Variants in TADA3 observed in about 807,000 individuals in gnomAD.
TADA3 encodes the protein transcriptional adapter 3.
In TADA3, 25 loss-of-function variants were observed where a neutral mutation model predicts 43.2. The ratio of observed to expected loss-of-function variants is 0.58; its 90% CI spans 0.42 to 0.81. The LOEUF (loss-of-function observed/expected upper bound fraction) is 0.81, where lower values mean the gene tolerates loss of function less well. Ranked by LOEUF, TADA3 falls within the 30% of genes least tolerant of loss-of-function variation. The pLI, the probability that TADA3 is intolerant of heterozygous loss-of-function variation, is 0.00. For synonymous variants in TADA3, 235 were observed against 225.5 expected (o/e 1.04, Z -0.38); for missense variants, 441 against 567.8 (o/e 0.78, Z 2.27).
At chr3:9,784,666 ACCAG>A (rs2078562903) in intron 7 of TADA3, among the ~76,000 whole-genome samples, 2 of 152,006 alleles carry the variant, frequency 1.3e-5, no homozygotes, top group Admixed American at 1.3e-4. Flanking sequence ...GGAGTTCAAG[ACCAG>A]CCCGGCCAAG....
In TADA3 at chr3:9,791,136, G is replaced by C. The variant is rs922127289; in HGVS notation, c.207+124C>G. The C allele has an allele frequency of 7.7e-6, 7 of 906,186 alleles. No homozygotes were observed. The African/African-American group carries it at 8.3e-5, about 11-fold the overall frequency. 56.1% of individuals were successfully genotyped at this position (906,186 alleles called of 1,614,324 possible). On this transcript the variant is annotated intron_variant, in intron 2 of 8. Coordinates refer to ENST00000301964, the MANE Select transcript of TADA3 (RefSeq NM_006354.5). ...TTTGTGTCATGCAAACCCAGTTTGCGTCTCTCTCCCTCTCCCCACAAACCC... is the reference window on the plus strand; with the variant it reads ...TTTGTGTCATGCAAACCCAGTTTGCCTCTCTCTCCCTCTCCCCACAAACCC...
chr3:9,780,114 T>G lies in TADA3; in HGVS notation c.*243A>C. 1 of 404,092 alleles carries G rather than the reference T, an allele frequency of 2.5e-6. No homozygotes were observed. Among genetic ancestry groups the G allele is most frequent in the Non-Finnish European group, 4.4e-6 (1 of 226,990 alleles). 25.0% of individuals were successfully genotyped at this position (404,092 alleles called of 1,614,324 possible). A position where few individuals can be genotyped will look rare whatever the true frequency, so the allele number is the denominator to read the frequency against. On this transcript the variant is annotated 3_prime_UTR_variant, in exon 9 of 9. Coordinates refer to ENST00000301964, the MANE Select transcript of TADA3 (RefSeq NM_006354.5). ...GGAAGAGGAAGACCCAGAAACGAAG[T>G]CCCCTCCAACCCCATCTCGGGGACC... is the stretch of plus-strand genomic sequence containing the variant.
chr3:9,792,628 A>G (rs952414012), upstream of TADA3: 71 of 1,230,770 alleles, frequency 5.8e-5, 1 homozygote, highest in Middle Eastern at 1.2e-3. Flanking sequence ...CCCGGGGCAC[A>G]GCCCGGGGCG....
chr3:9,790,080 C>T, intron 2 of TADA3, 117 bp from the exon 3 acceptor site: 1 of 1,264,650 alleles, frequency 7.9e-7, no homozygotes, highest in Non-Finnish European at 1.1e-6. Flanking sequence ...TTTCCCCATC[C>T]TCTTTTTACC....
chr3:9,792,619 C>T (rs1270037853), upstream of TADA3: 2 of 1,230,396 alleles, frequency 1.6e-6, no homozygotes, highest in East Asian at 3.2e-5. Flanking sequence ...CAGGCGAGCC[C>T]CGGGGCACAG....
At chr3:9,792,939 G>A (rs1424192508), upstream of TADA3, 18 of 1,413,632 alleles carry the variant, frequency 1.3e-5, no homozygotes, top group Non-Finnish European at 1.7e-5. Context: ...TACCGAGACA[G>A]CCCTAGGTGG....
At chr3:9,790,754 T>C (rs2078709754) in intron 2 of TADA3, among the ~76,000 whole-genome samples, 1 of 152,216 alleles carries the variant, frequency 6.6e-6, no homozygotes, top group South Asian at 2.1e-4. Context: ...GGTCCTATTA[T>C]TCACCCCACT....
chr3:9,780,668 C>T (rs1159252766), intron 8 of TADA3, 119 bp from the exon 9 acceptor site: 9 of 1,027,766 alleles, frequency 8.8e-6, no homozygotes, highest in East Asian at 2.6e-5. Context: ...TTGTGTCATA[C>T]AGTCGTGACC....
Position 9,787,290 on chromosome 3 carries a change from C to G in TADA3, c.615G>C (p.Leu205=), listed in dbSNP as rs200672644. ...HYSQRWAQED[L]LEEQKDGARA... is the part of the protein sequence containing the mutation. Reference sequence around the variant, plus strand: ...GGGCCCCATCCTTCTGCTCCTCCAGCAGGTCCTCCTGGGCCCAGCGCTGGG... The same window carrying G: ...GGGCCCCATCCTTCTGCTCCTCCAGGAGGTCCTCCTGGGCCCAGCGCTGGG... The change falls in exon 5 of 9, where the codon CTG becomes CTC. Residue 205 remains leucine, a synonymous_variant. Coordinates refer to ENST00000301964, the MANE Select transcript of TADA3 (RefSeq NM_006354.5). The G allele has an allele frequency of 9.9e-5, 160 of 1,614,036 alleles. No individual in the cohort carries two copies. The Middle Eastern group carries it at 2.1e-3, about 22-fold the overall frequency.
At position 9,784,217 on chromosome 3, in the gene TADA3, C is replaced by T. The variant is rs892431240; in HGVS notation, c.921-4G>A. 10 of 1,600,594 alleles carry T rather than the reference C, an allele frequency of 6.2e-6. No homozygotes were observed. In the African/African-American group the frequency reaches 1.1e-4, roughly 17 times the overall value. ...CAGGGACTTAGTATGCGGCACACTG[C>T]AGCGGGAGGCAGGCCCGTCAGACTC... On this transcript the variant is annotated splice_polypyrimidine_tract_variant and splice_region_variant and intron_variant, in intron 7 of 8. Transcript: ENST00000301964.
Position 9,791,303 on chromosome 3 carries a change from G to T in TADA3, c.164C>A (p.Ser55Tyr), listed in dbSNP as rs949299772. 6.2e-7 allele frequency: 1 copy of T among 1,613,732 alleles called. No homozygotes were observed. Among genetic ancestry groups the T allele is most frequent in the African/African-American group, 1.3e-5 (1 of 74,946 alleles). Residue 55 changes from serine to tyrosine, a missense_variant, in exon 2 of 9, where the codon TCT becomes TAT. Transcript: ENST00000301964. Reference sequence around the variant, plus strand: ...CACACGCAGGCGCCGGCTGGCAGAAGACAGCAGGGTCTCCAGCTCCAGCTG... The same window carrying T: ...CACACGCAGGCGCCGGCTGGCAGAATACAGCAGGGTCTCCAGCTCCAGCTG... ...TLQLELETLL[S>Y]SASRRLRVLE...
intron 4 of TADA3, chr3:9,787,664 G>A: frequency 2.2e-6 from 3 of 1,376,472 alleles, no homozygotes; most frequent in Non-Finnish European, 2.9e-6. Context: ...TCAGGTCACG[G>A]GTGACAGGGA....
chr3:9,784,701 C>T (rs533382759), intron 7 of TADA3, among the ~76,000 whole-genome samples: 5 of 151,896 alleles, frequency 3.3e-5, no homozygotes, highest in African/African-American at 4.8e-5. Context: ...CCCGTCTCTA[C>T]TAAAAATACA....
chr3:9,789,036 A>G (rs959981490), intron 4 of TADA3, among the ~76,000 whole-genome samples: 14 of 151,892 alleles, frequency 9.2e-5, no homozygotes, highest in African/African-American at 3.4e-4. Context: ...GGGTTTCACC[A>G]TGTTGCCCAG....
In TADA3 at chr3:9,784,820, C is replaced by T. The variant is rs1020734728; in HGVS notation, c.920+496G>A. ...CGGAGGTTGCAGTGAGCCAAGATTG[C>T]GCCATTGCGCTCCAACCTAAACGAC... On this transcript the variant is annotated intron_variant, in intron 7 of 8. Transcript: ENST00000301964. 6.0e-5 allele frequency among the ~76,000 whole-genome samples: 9 copies of T among 150,840 alleles called. 1 individual carries two copies. Among genetic ancestry groups the T allele is most frequent in the Non-Finnish European group, 1.2e-4 (8 of 67,854 alleles).
In TADA3 at chr3:9,792,336, C is replaced by T. The variant is rs2078757462; in HGVS notation, c.-148G>A. 1 of 277,030 alleles carries T rather than the reference C, an allele frequency of 3.6e-6. No homozygotes were observed. Among genetic ancestry groups the T allele is most frequent in the Non-Finnish European group, 5.6e-6 (1 of 179,202 alleles). 17.2% of individuals were successfully genotyped at this position (277,030 alleles called of 1,614,324 possible). A position where few individuals can be genotyped will look rare whatever the true frequency, so the allele number is the denominator to read the frequency against. ...CCCGGGGGTCGCCCAAATGTCCCGC[C>T]TTCAGAGTCCTCGTTCTCTAGGGAC... is the stretch of plus-strand genomic sequence containing the variant. On this transcript the variant is annotated 5_prime_UTR_variant, in exon 1 of 9. Coordinates refer to ENST00000301964, the MANE Select transcript of TADA3 (RefSeq NM_006354.5).
At chr3:9,786,833 C>A (rs1225825250) in intron 6 of TADA3, among the ~76,000 whole-genome samples, 173 bp downstream of exon 6, 1 of 152,150 alleles carries the variant, frequency 6.6e-6, no homozygotes, top group African/African-American at 2.4e-5. Context: ...ATTAGGTGCA[C>A]AAGTTATATA....
In TADA3 at chr3:9,782,937, C is replaced by T. The variant is rs114020149; in HGVS notation, c.1106+1091G>A. On this transcript the variant is annotated intron_variant, in intron 8 of 8. Coordinates refer to ENST00000301964, the MANE Select transcript of TADA3 (RefSeq NM_006354.5). ...CTTTACCTAAAGGGTAGCTATTCCA[C>T]AGTCTTCCTCAAGATGTCACCTATA... 2.8e-3 allele frequency among the ~76,000 whole-genome samples: 420 copies of T among 152,334 alleles called. 3 individuals are homozygous for T. Among genetic ancestry groups the T allele is most frequent in the African/African-American group, 9.5e-3 (394 of 41,576 alleles).
chr3:9,786,921 T>C, intron 6 of TADA3, 85 bp downstream of exon 6: 1 of 1,286,224 alleles, frequency 7.8e-7, no homozygotes, highest in Non-Finnish European at 1.1e-6. Flanking sequence ...ACCTAATAAA[T>C]GTATGATAAA....
Sources: allele counts gnomAD v4.1 joint callset (sites outside exome capture counted in the v4.1 genomes callset), GRCh38; gene constraint gnomAD v4.1.1; transcripts MANE v1.5; gene names NCBI Gene and HGNC (gene_info 2026-07-23, HGNC 2026-07-21).